The following GRIA1 variants were observed in gnomAD, a reference collection of about 807,000 sequenced individuals.
The protein encoded by GRIA1 is glutamate receptor 1.
In GRIA1, 31 loss-of-function variants were observed where a neutral mutation model predicts 99.2. The observed-to-expected ratio is 0.31, with a 90% CI of 0.23 to 0.42. The LOEUF is 0.42. Among genes scored for constraint, GRIA1 ranks in the 10% least tolerant of loss-of-function variants. The pLI is 1.00. For synonymous variants in GRIA1, 438 were observed against 432.4 expected, an observed-to-expected ratio of 1.01 and a Z score of -0.16; for missense variants, 782 against 1,157.5, an observed-to-expected ratio of 0.68 and a Z score of 4.71.
chr5:153,590,248 T>C (rs1043436387), intron 2 of GRIA1, among the ~76,000 whole-genome samples: 1 of 152,128 alleles, frequency 6.6e-6, no homozygotes, highest in Admixed American at 6.6e-5. Context: ...TAGTAGATGA[T>C]AGTAAAAGCC....
chr5:153,669,574 T>C lies in GRIA1; in HGVS notation c.700-4926T>C, dbSNP rs557308005. ...AGTGACTAATGGATGATATCTAAGA[T>C]ACATTAGAGCTATCTGAGGATCGAT... On this transcript the variant is annotated intron_variant, in intron 5 of 15. Transcript: ENST00000285900. 4.5e-4 allele frequency among the ~76,000 whole-genome samples: 69 copies of C among 152,324 alleles called. 1 individual carries two copies. The highest frequency in any genetic ancestry group is 1.5e-3 in the African/African-American group (63 of 41,558).
Position 153,490,970 on chromosome 5 carries a change from G to A in GRIA1, c.82G>A (p.Gly28Arg). The A allele has an allele frequency of 6.2e-7, 1 of 1,613,818 alleles. No individual in the cohort carries two copies. The highest frequency in any genetic ancestry group is 8.5e-7 in the Non-Finnish European group (1 of 1,179,730). Residue 28 changes from glycine to arginine, a missense_variant and splice_region_variant, in exon 1 of 16, where the codon GGG (glycine) becomes AGG (arginine). By Grantham distance (125) the Gly-to-Arg change is moderately radical (BLOSUM62 -2). This residue lies in a region of GRIA1 where 461 missense variants were observed against 521.7 expected (regional missense o/e 0.88). Transcript: ENST00000285900. ...CAATTTCCCCAACAATATCCAGATC[G>A]GTGAGTGAGGGGGCAGCCTGGGGAG... ...GANFPNNIQIGGLFPNQQSQE... is the reference protein window; with the variant it reads ...GANFPNNIQIRGLFPNQQSQE...
Position 153,735,184 on chromosome 5 carries a change from A to T in GRIA1, c.1823+29117A>T, listed in dbSNP as rs527663906. On this transcript the variant is annotated intron_variant, in intron 11 of 15. Coordinates refer to ENST00000285900, the MANE Select transcript of GRIA1 (RefSeq NM_000827.4). ...AAAATAGACCATTACAGATTTAAAG[A>T]AGGGTGACCAGTTGGGAGGATATTG... Among the ~76,000 whole-genome samples the T allele has an allele frequency of 3.9e-5, 6 of 152,326 alleles. No individual in the cohort carries two copies. The South Asian group carries it at 1.2e-3, about 32-fold the overall frequency.
chr5:153,690,146 C>T (rs1402381202), intron 8 of GRIA1, among the ~76,000 whole-genome samples: 4 of 152,116 alleles, frequency 2.6e-5, no homozygotes, highest in Non-Finnish European at 5.9e-5. Flanking sequence ...GAATCTGCAC[C>T]TTCTTGAATC....
chr5:153,499,572 G>A (rs765597313), intron 2 of GRIA1, among the ~76,000 whole-genome samples: 9 of 123,732 alleles, frequency 7.3e-5, no homozygotes, highest in Non-Finnish European at 9.5e-5. Flanking sequence ...CCAAGATCAC[G>A]CCACTGCACT....
intron 2 of GRIA1, among the ~76,000 whole-genome samples, chr5:153,529,509 C>T (rs1757907597): frequency 6.6e-6 from 1 of 152,140 alleles, no homozygotes. Flanking sequence ...AGCCCCTGGA[C>T]AGTATAAGTT....
At chr5:153,700,120 C>T (rs977644944) in intron 10 of GRIA1, among the ~76,000 whole-genome samples, 1 of 152,200 alleles carries the variant, frequency 6.6e-6, no homozygotes, top group African/African-American at 2.4e-5. Flanking sequence ...CACAGTGGCT[C>T]ACGCCTATAA....
At chr5:153,719,018 A>C (rs2149537055) in intron 11 of GRIA1, among the ~76,000 whole-genome samples, 1 of 152,316 alleles carries the variant, frequency 6.6e-6, no homozygotes, top group African/African-American at 2.4e-5. Context: ...TCCCTGCCAA[A>C]CCAGACTGTC....
At chr5:153,554,125 G>T (rs753178965) in intron 2 of GRIA1, among the ~76,000 whole-genome samples, 1 of 152,172 alleles carries the variant, frequency 6.6e-6, no homozygotes, top group African/African-American at 2.4e-5. Flanking sequence ...TGAGTTGTAA[G>T]TTATGTGGCA....
At chr5:153,712,646 T>C (rs879084428) in intron 11 of GRIA1, among the ~76,000 whole-genome samples, 1 of 142,790 alleles carries the variant, frequency 7.0e-6, no homozygotes, top group South Asian at 2.2e-4. Flanking sequence ...TGAGGCAAGT[T>C]GATGAAGGCA....
intron 2 of GRIA1, among the ~76,000 whole-genome samples, chr5:153,497,820 C>T (rs75113101): frequency 0.011 from 1,609 of 152,224 alleles, 28 homozygotes; most frequent in African/African-American, 0.036. Context: ...GTTGCATTCC[C>T]CACCCTGGAG....
chr5:153,792,301 C>A (rs1351924139), intron 13 of GRIA1, among the ~76,000 whole-genome samples: 2 of 152,212 alleles, frequency 1.3e-5, no homozygotes, highest in African/African-American at 2.4e-5. Flanking sequence ...AACACTTCTT[C>A]ACACTATTGA....
chr5:153,778,237 A>T (rs1341520045), intron 13 of GRIA1, among the ~76,000 whole-genome samples: 2 of 150,388 alleles, frequency 1.3e-5, no homozygotes, highest in Non-Finnish European at 3.0e-5. Flanking sequence ...TTCAATAGAG[A>T]CTGGAGGTTT....
chr5:153,569,336 T>C (rs1211772958), intron 2 of GRIA1, among the ~76,000 whole-genome samples: 3 of 152,244 alleles, frequency 2.0e-5, no homozygotes, highest in African/African-American at 7.2e-5. Context: ...CAGCATTGTT[T>C]ATAAAGCCAG....
At chr5:153,708,649 AT>A (rs918733244) in intron 11 of GRIA1, among the ~76,000 whole-genome samples, 5 of 152,194 alleles carry the variant, frequency 3.3e-5, no homozygotes, top group Admixed American at 6.5e-5. Flanking sequence ...ATGTTAATTG[AT>A]TTTTTTTAAC....
intron 8 of GRIA1, among the ~76,000 whole-genome samples, chr5:153,696,771 CACAAA>C (rs2149510688): frequency 6.6e-6 from 1 of 152,064 alleles, no homozygotes; most frequent in Non-Finnish European, 1.5e-5. Context: ...GCAGAATGAT[CACAAA>C]ACAAAACACA....
intron 14 of GRIA1, chr5:153,795,459 T>G: frequency 7.5e-7 from 1 of 1,331,640 alleles, no homozygotes. Context: ...TTTATGTTAT[T>G]TCCCCCCTGG....
intron 2 of GRIA1, among the ~76,000 whole-genome samples, chr5:153,553,360 A>G (rs1307714885): frequency 6.6e-6 from 1 of 152,226 alleles, no homozygotes; most frequent in African/African-American, 2.4e-5. Context: ...AGACTGAGGC[A>G]GGTTTCAGAG....
intron 2 of GRIA1, among the ~76,000 whole-genome samples, chr5:153,600,847 T>C (rs1372999264): frequency 1.3e-5 from 2 of 152,256 alleles, no homozygotes; most frequent in East Asian, 3.8e-4. Context: ...TGAAGCCTTC[T>C]GTTTATTTCA....
Sources: allele counts gnomAD v4.1 joint callset (sites outside exome capture counted in the v4.1 genomes callset), GRCh38; gene constraint gnomAD v4.1.1; regional missense constraint gnomAD v4.1.1; transcripts MANE v1.5; gene names NCBI Gene and HGNC (gene_info 2026-07-23, HGNC 2026-07-21).